Variants in DMD observed in about 807,000 individuals in gnomAD.
DMD encodes mutant dystrophin.
DMD carries 63 observed loss-of-function variants against 330.1 expected under a neutral mutation model. That is an observed-to-expected ratio of 0.19 (90% confidence interval 0.16 to 0.24). The LOEUF (loss-of-function observed/expected upper bound fraction) is 0.24, where lower values mean the gene tolerates loss of function less well. Ranked by LOEUF, DMD falls within the 10% of genes least tolerant of loss-of-function variation. DMD has a pLI of 1.00. For missense variants in DMD, 3,344 were observed against 2,684.1 expected, an observed-to-expected ratio of 1.25 and a Z score of -5.43; for synonymous variants, 1,223 against 959.8, an observed-to-expected ratio of 1.27 and a Z score of -5.07.
intron 44 of DMD, among the ~76,000 whole-genome samples, chrX:32,002,107 C>A (rs113512369): frequency 9.0e-6 from 1 of 111,455 alleles, no homozygotes; most frequent in African/African-American, 3.3e-5. Flanking sequence ...CAGAATGCAA[C>A]GCACAACTGT....
intron 7 of DMD, among the ~76,000 whole-genome samples, chrX:32,735,643 C>A (rs2068357898): frequency 9.0e-6 from 1 of 111,367 alleles, no homozygotes; most frequent in South Asian, 3.8e-4. Context: ...TTTGACAAAC[C>A]TGAGAAAAAC....
At chrX:31,540,959 C>G (rs1368333203) in intron 55 of DMD, among the ~76,000 whole-genome samples, 1 of 111,803 alleles carries the variant, frequency 8.9e-6, no homozygotes, top group Non-Finnish European at 1.9e-5. Context: ...AAACTTGGCC[C>G]TTTTGAGAGT....
chrX:33,010,153 CAT>C (rs200088956), intron 2 of DMD, among the ~76,000 whole-genome samples: 243 of 98,914 alleles, frequency 2.5e-3, no homozygotes, highest in African/African-American at 7.7e-3. Flanking sequence ...TGTATATATA[CAT>C]GTGTGTATAT....
intron 63 of DMD, among the ~76,000 whole-genome samples, chrX:31,244,629 T>A (rs1170864596): frequency 8.9e-6 from 1 of 111,853 alleles, no homozygotes; most frequent in Non-Finnish European, 1.9e-5. Context: ...AAATAACATC[T>A]CTGAGGAACT....
At chrX:32,272,397 G>A (rs1205103071) in intron 43 of DMD, among the ~76,000 whole-genome samples, 7 of 111,902 alleles carry the variant, frequency 6.3e-5, no homozygotes, top group Non-Finnish European at 1.3e-4. Context: ...TACTGATCTC[G>A]AACATAAAGA....
intron 62 of DMD, among the ~76,000 whole-genome samples, chrX:31,299,800 G>C (rs1464817368): frequency 1.3e-4 from 13 of 102,859 alleles, no homozygotes; most frequent in Non-Finnish European, 2.2e-4. Flanking sequence ...AAAAAAAAAG[G>C]ATGGGGGGGA....
intron 60 of DMD, 127 bp downstream of exon 60, chrX:31,444,354 A>G: frequency 1.3e-6 from 1 of 788,991 alleles, no homozygotes; most frequent in Admixed American, 2.7e-5. Flanking sequence ...ACTAATATAA[A>G]ATATCCTATC....
At chrX:32,166,543 T>G (rs1241901174) in intron 44 of DMD, among the ~76,000 whole-genome samples, 1 of 112,128 alleles carries the variant, frequency 8.9e-6, no homozygotes, top group East Asian at 2.8e-4. Flanking sequence ...TTCTTAACAC[T>G]TTAATACTTC....
intron 41 of DMD, among the ~76,000 whole-genome samples, chrX:32,330,106 C>T (rs1451656018): frequency 8.9e-6 from 1 of 111,832 alleles, no homozygotes; most frequent in Non-Finnish European, 1.9e-5. Context: ...TAAATGGGTG[C>T]TAAACTATAC....
At chrX:32,809,937 AAAAAAAAAAG>A (rs2077234208) in intron 6 of DMD, among the ~76,000 whole-genome samples, 2 of 95,766 alleles carry the variant, frequency 2.1e-5, no homozygotes, top group African/African-American at 7.6e-5. Context: ...AAAAAAAAAA[AAAAAAAAAAG>A]AAAGAAAGAA....
At chrX:31,467,559 C>T (rs1029867478) in intron 59 of DMD, among the ~76,000 whole-genome samples, 19 of 111,506 alleles carry the variant, frequency 1.7e-4, no homozygotes, top group African/African-American at 5.9e-4. Context: ...CTGCTGGATT[C>T]GGTTTGCCAG....
chrX:31,380,715 C>G (rs895494730), intron 60 of DMD, among the ~76,000 whole-genome samples: 1 of 110,655 alleles, frequency 9.0e-6, no homozygotes, highest in Non-Finnish European at 1.9e-5. Context: ...TCCTCAATAC[C>G]TCCCTCCACA....
At chrX:32,239,661 T>C (rs140819981) in intron 43 of DMD, among the ~76,000 whole-genome samples, 184 of 112,176 alleles carry the variant, frequency 1.6e-3, no homozygotes, top group East Asian at 7.0e-3. Context: ...GCTCTAAAAC[T>C]GCTATGCATA....
chrX:31,308,909 T>A (rs1424548350), intron 62 of DMD, among the ~76,000 whole-genome samples: 1 of 111,102 alleles, frequency 9.0e-6, no homozygotes, highest in East Asian at 2.8e-4. Context: ...TTTGTATTTT[T>A]AGTAGAGACG....
chrX:33,244,816 T>C (rs2052640911), intron 1 of DMD, among the ~76,000 whole-genome samples: 1 of 112,020 alleles, frequency 8.9e-6, no homozygotes, highest in Non-Finnish European at 1.9e-5. Context: ...TGATGTGACC[T>C]AATAGAATTC....
In DMD at chrX:32,310,294, A is replaced by C; in HGVS notation, c.5923-18T>G. On this transcript the variant is annotated intron_variant, in intron 41 of 78. Transcript: ENST00000357033. ...ACAGTGTGCTGGTATAGATATACAA[A>C]AGAACAATTTTTTTTAGCTTCCTAA... 1 of 1,190,257 alleles carries C rather than the reference A, an allele frequency of 8.4e-7. No homozygotes were observed. Among genetic ancestry groups the C allele is most frequent in the Non-Finnish European group, 1.1e-6 (1 of 877,411 alleles).
chrX:31,441,302 T>C (rs745546236), intron 60 of DMD, among the ~76,000 whole-genome samples: 1 of 111,826 alleles, frequency 8.9e-6, no homozygotes, highest in East Asian at 2.8e-4. Flanking sequence ...TTTCAAGCAA[T>C]TCTCCTGCCT....
intron 7 of DMD, among the ~76,000 whole-genome samples, chrX:32,737,549 C>G (rs2068679337): frequency 9.0e-6 from 1 of 110,905 alleles, no homozygotes; most frequent in Non-Finnish European, 1.9e-5. Context: ...TTGATACAAA[C>G]TTCTCTCAGC....
chrX:33,097,915 C>G (rs1330575753), intron 1 of DMD, among the ~76,000 whole-genome samples: 1 of 110,933 alleles, frequency 9.0e-6, no homozygotes, highest in African/African-American at 3.3e-5. Context: ...ATGCCCAGCC[C>G]CACCAGTAAC....
Sources: allele counts gnomAD v4.1 joint callset (sites outside exome capture counted in the v4.1 genomes callset), GRCh38; gene constraint gnomAD v4.1.1; transcripts MANE v1.5; gene names NCBI Gene and HGNC (gene_info 2026-07-23, HGNC 2026-07-21).